Variants in CD109 observed in about 807,000 individuals in gnomAD.
CD109 encodes the protein CD109 antigen.
In CD109, 149 loss-of-function variants were observed where a neutral mutation model predicts 165.8. That is an observed-to-expected ratio of 0.90 (90% CI 0.79 to 1.03). The LOEUF (loss-of-function observed/expected upper bound fraction) is 1.03. Ranked by LOEUF, CD109 falls within the 50% of genes least tolerant of loss-of-function variation. The pLI, the probability that CD109 is intolerant of heterozygous loss-of-function variation, is 0.00. For missense variants in CD109, 1,712 were observed against 1,677.8 expected, an observed-to-expected ratio of 1.02 and a Z score of -0.36; for synonymous variants, 585 against 592.1, an observed-to-expected ratio of 0.99 and a Z score of 0.18.
intron 15 of CD109, among the ~76,000 whole-genome samples, chr6:73,776,435 G>C (rs1774245610): frequency 6.6e-6 from 1 of 151,320 alleles, no homozygotes. Flanking sequence ...AACTTTTTTA[G>C]TAGAGAAGGG....
intron 19 of CD109, 56 bp downstream of exon 19, chr6:73,783,880 G>T: frequency 1.1e-6 from 1 of 925,546 alleles, no homozygotes; most frequent in East Asian, 2.5e-5. Context: ...CTAATACAGC[G>T]TCAGCTCCTC....
rs1005135363 is a variant in CD109, at chr6:73,812,205, C to A, written c.3703C>A (p.Leu1235Ile). ...HNRLLLQTAE[L>I]AVVQPTAVNI... ...TTCACTTTTTTTCACCTTGATTCAG[C>A]TTGCTGTGGTACAGCCAACGGCAGT... Residue 1235 changes from leucine (L) to isoleucine (I), a missense_variant and splice_region_variant, in exon 29 of 33, where the codon CTT becomes ATT. Physicochemically the swap from Leu to Ile is conservative, Grantham distance 5. Coordinates refer to ENST00000287097, the MANE Select transcript of CD109 (RefSeq NM_133493.5). The A allele has an allele frequency of 3.7e-5, 59 of 1,606,960 alleles. No homozygotes were observed. The highest frequency in any genetic ancestry group is 4.9e-5 in the Non-Finnish European group (57 of 1,175,100).
intron 24 of CD109, among the ~76,000 whole-genome samples, chr6:73,804,926 A>G (rs147041947): frequency 6.6e-6 from 1 of 152,236 alleles, no homozygotes; most frequent in Non-Finnish European, 1.5e-5. Flanking sequence ...CCATCAGAGA[A>G]ATGTAAATCA....
chr6:73,794,455 G>A (rs1032271760), intron 23 of CD109, among the ~76,000 whole-genome samples: 3 of 152,210 alleles, frequency 2.0e-5, no homozygotes, highest in Admixed American at 6.5e-5. Context: ...ATGGGGTCCT[G>A]TAGAGAAGGA....
At chr6:73,745,566 G>A (rs1327685932) in intron 5 of CD109, among the ~76,000 whole-genome samples, 1 of 152,176 alleles carries the variant, frequency 6.6e-6, no homozygotes, top group Non-Finnish European at 1.5e-5. Context: ...ACGTGTCCCA[G>A]ATTCTGACCA....
chr6:73,723,743 G>A (rs1359877128), intron 3 of CD109, among the ~76,000 whole-genome samples: 1 of 152,182 alleles, frequency 6.6e-6, no homozygotes, highest in African/African-American at 2.4e-5. Flanking sequence ...GCCTACTGGA[G>A]GGTAGAGGGA....
At chr6:73,787,166 GT>G (rs1377675615) in intron 20 of CD109, 67 bp from the exon 21 acceptor site, 3 of 963,082 alleles carry the variant, frequency 3.1e-6, no homozygotes, top group East Asian at 5.1e-5. Context: ...ACTTAAACTG[GT>G]GATAAAAGAG....
the CD109 span, among the ~76,000 whole-genome samples, chr6:73,680,981 T>C: frequency 6.6e-6 from 1 of 152,170 alleles, no homozygotes; most frequent in Non-Finnish European, 1.5e-5. Context: ...TCTAGCTGGA[T>C]TGAGCCTAGA....
chr6:73,696,071 C>A, upstream of CD109: 1 of 718,844 alleles, frequency 1.4e-6, no homozygotes. Context: ...TTAGATCTCT[C>A]ACTCTGCTGT....
chr6:73,737,285 T>G (rs571458730), intron 5 of CD109, among the ~76,000 whole-genome samples: 2 of 152,368 alleles, frequency 1.3e-5, no homozygotes, highest in East Asian at 3.9e-4. Context: ...TAGCTTATTC[T>G]AAGCATTGTT....
At chr6:73,706,941 G>A (rs1161320356) in intron 2 of CD109, among the ~76,000 whole-genome samples, 5 of 152,210 alleles carry the variant, frequency 3.3e-5, no homozygotes, top group Non-Finnish European at 7.3e-5. Context: ...ATATAGATAA[G>A]ACAGGGAATT....
intron 4 of CD109, among the ~76,000 whole-genome samples, chr6:73,734,444 T>C (rs1018144594): frequency 6.6e-6 from 1 of 152,238 alleles, no homozygotes; most frequent in African/African-American, 2.4e-5. Context: ...TTGTTTTCAT[T>C]TGTATTTCCT....
At chr6:73,733,977 A>G (rs1040657906) in intron 4 of CD109, among the ~76,000 whole-genome samples, 2 of 152,186 alleles carry the variant, frequency 1.3e-5, no homozygotes, top group Non-Finnish European at 2.9e-5. Context: ...TGGGGCCACT[A>G]TTCCAGGATC....
chr6:73,717,611 C>CTTTTT (rs779915655), intron 2 of CD109, among the ~76,000 whole-genome samples: 2 of 74,812 alleles, frequency 2.7e-5, no homozygotes, highest in African/African-American at 1.0e-4. Context: ...TCTACTGATT[C>CTTTTT]TTTTTTTTTT....
Position 73,762,777 on chromosome 6 carries a change from G to A in CD109, c.892G>A (p.Glu298Lys), listed in dbSNP as rs547286744. ...GSANFSFNDE[E>K]MKNVMDSSNG... ...TGCAAACTTCTCTTTTAATGATGAA[G>A]AGATGAAAAATGTAATGGATTCTTC... The change falls in exon 9 of 33, where the codon GAG (glutamate) becomes AAG (lysine). Residue 298 changes from glutamate (E) to lysine (K), a missense_variant. By Grantham distance (56) the Glu-to-Lys change is moderately conservative. Coordinates refer to ENST00000287097, the MANE Select transcript of CD109 (RefSeq NM_133493.5). 6.2e-6 allele frequency: 10 copies of A among 1,608,484 alleles called. No individual in the cohort carries two copies. The South Asian group carries it at 8.8e-5, about 14-fold the overall frequency.
At chr6:73,711,572 C>T (rs1487098376) in intron 2 of CD109, among the ~76,000 whole-genome samples, 1 of 28,486 alleles carries the variant, frequency 3.5e-5, no homozygotes, top group African/African-American at 5.9e-5. Flanking sequence ...CTCGCTCTGT[C>T]GCCCAGGCTG....
chr6:73,691,928 A>G (rs1770698258), upstream of CD109, among the ~76,000 whole-genome samples: 1 of 152,156 alleles, frequency 6.6e-6, no homozygotes, highest in South Asian at 2.1e-4. Flanking sequence ...GCTTCTAGGG[A>G]GGCCTCAGGG....
chr6:73,776,129 C>T (rs539036528), intron 15 of CD109, among the ~76,000 whole-genome samples: 6 of 152,312 alleles, frequency 3.9e-5, no homozygotes, highest in African/African-American at 1.2e-4. Context: ...AATTAACACT[C>T]CTACCGACAG....
chr6:73,760,406 C>CAAA (rs35181896), intron 7 of CD109, among the ~76,000 whole-genome samples: 26 of 16,596 alleles, frequency 1.6e-3, no homozygotes, highest in Non-Finnish European at 2.2e-3. Context: ...GACCCCGTCT[C>CAAA]AAAAAAAAAA....
Sources: allele counts gnomAD v4.1 joint callset (sites outside exome capture counted in the v4.1 genomes callset), GRCh38; gene constraint gnomAD v4.1.1; transcripts MANE v1.5; gene names NCBI Gene and HGNC (gene_info 2026-07-23, HGNC 2026-07-21).